ANXA13: variants seen among roughly 807,000 people sequenced by gnomAD.
ANXA13 encodes the protein annexin XIII.
ANXA13 carries 36 observed loss-of-function variants against 46.6 expected under a neutral mutation model. The observed-to-expected ratio is 0.77, with a 90% CI of 0.59 to 1.02. The LOEUF is 1.02. Among genes scored for constraint, ANXA13 ranks in the 50% least tolerant of loss-of-function variants. The pLI is 0.00. For missense variants in ANXA13, 417 were observed against 396.5 expected, an observed-to-expected ratio of 1.05 and a Z score of -0.44; for synonymous variants, 163 against 152.9, an observed-to-expected ratio of 1.07 and a Z score of -0.49.
chr8:123,723,747 T>A (rs1813931317), intron 1 of ANXA13, among the ~76,000 whole-genome samples: 1 of 152,206 alleles, frequency 6.6e-6, no homozygotes, highest in Non-Finnish European at 1.5e-5. Flanking sequence ...TTCTATCAGA[T>A]CTTTTAACAG....
At chr8:123,721,894 T>A (rs1383377342) in intron 1 of ANXA13, among the ~76,000 whole-genome samples, 1 of 152,214 alleles carries the variant, frequency 6.6e-6, no homozygotes, top group East Asian at 1.9e-4. Context: ...CACACAAGTA[T>A]GATGAGATAG....
At chr8:123,682,104 A>G (rs1251503943) in intron 10 of ANXA13, among the ~76,000 whole-genome samples, 1 of 152,208 alleles carries the variant, frequency 6.6e-6, no homozygotes, top group Non-Finnish European at 1.5e-5. Context: ...AACTAAGAAA[A>G]TTGTCAACAC....
chr8:123,727,043 G>A (rs889216498), intron 1 of ANXA13, among the ~76,000 whole-genome samples: 4 of 152,096 alleles, frequency 2.6e-5, no homozygotes, highest in African/African-American at 7.2e-5. Flanking sequence ...TGGATTTTTG[G>A]GACTTGGGGG....
intron 1 of ANXA13, among the ~76,000 whole-genome samples, chr8:123,715,635 G>T (rs1813746250): frequency 6.6e-6 from 1 of 152,214 alleles, no homozygotes; most frequent in Non-Finnish European, 1.5e-5. Flanking sequence ...AGGGGCTGGG[G>T]CAGAACTGAG....
chr8:123,735,956 A>G, intron 1 of ANXA13: 2 of 1,468,724 alleles, frequency 1.4e-6, no homozygotes, highest in South Asian at 1.5e-5. Flanking sequence ...CTTTCAAAAG[A>G]CAAAATTATC....
At chr8:123,732,674 T>G (rs1212228730) in intron 1 of ANXA13, among the ~76,000 whole-genome samples, 10 of 150,566 alleles carry the variant, frequency 6.6e-5, no homozygotes, top group Non-Finnish European at 1.0e-4. Context: ...GCTGGTTTGT[T>G]TTTTTTTTTT....
In ANXA13 at chr8:123,683,090, C is replaced by T. The variant is rs539122110; in HGVS notation, c.831+1520G>A. Among the ~76,000 whole-genome samples the T allele has an allele frequency of 5.2e-4, 79 of 151,886 alleles. 1 individual carries two copies. The highest frequency in any genetic ancestry group is 2.0e-3 in the Admixed American group (30 of 15,264). ...GTCGAGTTGCTAACAGACAGAGGGA[C>T]GGACAAGGCAGAAGACCTGGAGAGA... On this transcript the variant is annotated intron_variant, in intron 10 of 10. Transcript: ENST00000419625.
chr8:123,720,790 C>T (rs1334277009), intron 1 of ANXA13, among the ~76,000 whole-genome samples: 3 of 151,566 alleles, frequency 2.0e-5, no homozygotes, highest in African/African-American at 7.3e-5. Flanking sequence ...ACTATGTTGC[C>T]CAGGCTGGTC....
At chr8:123,718,058 G>A (rs550475393) in intron 1 of ANXA13, among the ~76,000 whole-genome samples, 1 of 152,238 alleles carries the variant, frequency 6.6e-6, no homozygotes, top group Admixed American at 6.5e-5. Context: ...CCAGCTGCCC[G>A]CCACCCCACC....
At chr8:123,726,585 T>G (rs997335955) in intron 1 of ANXA13, among the ~76,000 whole-genome samples, 1 of 152,232 alleles carries the variant, frequency 6.6e-6, no homozygotes, top group Non-Finnish European at 1.5e-5. Context: ...AGGGGAGCAC[T>G]GCTCATCTAG....
At chr8:123,705,309 G>T (rs189149974) in intron 2 of ANXA13, among the ~76,000 whole-genome samples, 15 of 152,282 alleles carry the variant, frequency 9.9e-5, no homozygotes, top group African/African-American at 3.4e-4. Context: ...GCTCGCATGT[G>T]TTCACTTCAC....
At chr8:123,707,918 G>C (rs1813571178) in intron 2 of ANXA13, among the ~76,000 whole-genome samples, 1 of 152,142 alleles carries the variant, frequency 6.6e-6, no homozygotes, top group Admixed American at 6.5e-5. Flanking sequence ...CGAGAAACCA[G>C]ATTGCAAAAC....
chr8:123,714,484 C>G (rs975570295), intron 1 of ANXA13, among the ~76,000 whole-genome samples: 1 of 152,184 alleles, frequency 6.6e-6, no homozygotes, highest in Non-Finnish European at 1.5e-5. Flanking sequence ...TCACATTGTA[C>G]AAATCCTCAG....
intron 6 of ANXA13, among the ~76,000 whole-genome samples, chr8:123,694,980 C>T (rs1348916834): frequency 6.6e-6 from 1 of 151,956 alleles, no homozygotes; most frequent in Non-Finnish European, 1.5e-5. Flanking sequence ...ATGTGTCTGT[C>T]TAGAGGTCTC....
intron 8 of ANXA13, among the ~76,000 whole-genome samples, chr8:123,692,097 A>G (rs1813254347): frequency 6.6e-6 from 1 of 152,218 alleles, no homozygotes; most frequent in African/African-American, 2.4e-5. Flanking sequence ...ATAAAATTCC[A>G]AAGCTTTATT....
chr8:123,682,074 T>C (rs1417757701), intron 10 of ANXA13, among the ~76,000 whole-genome samples: 1 of 152,228 alleles, frequency 6.6e-6, no homozygotes, highest in Non-Finnish European at 1.5e-5. Context: ...CAGGCTGTAG[T>C]TGGTTGACCC....
At chr8:123,735,186 C>G (rs1454657300) in intron 1 of ANXA13, among the ~76,000 whole-genome samples, 1 of 150,704 alleles carries the variant, frequency 6.6e-6, no homozygotes, top group African/African-American at 2.4e-5. Flanking sequence ...GCTATTGAAT[C>G]TCAACAAAAT....
chr8:123,681,619 C>CTTTTTTTTTTTTTTTTTTTTTTTTTT (rs5894670), intron 10 of ANXA13, among the ~76,000 whole-genome samples: 2 of 107,040 alleles, frequency 1.9e-5, no homozygotes, highest in Non-Finnish European at 3.7e-5. Flanking sequence ...TCTTGAATTT[C>CTTTTTTTTTTTTTTTTTTTTTTTTTT]TTTTTTTTTT....
intron 1 of ANXA13, among the ~76,000 whole-genome samples, chr8:123,735,012 G>T (rs1186911904): frequency 6.8e-6 from 1 of 147,726 alleles, no homozygotes; most frequent in African/African-American, 2.5e-5. Flanking sequence ...GTTCAATAGA[G>T]AAATATGATA....
Sources: allele counts gnomAD v4.1 joint callset (sites outside exome capture counted in the v4.1 genomes callset), GRCh38; gene constraint gnomAD v4.1.1; transcripts MANE v1.5; gene names NCBI Gene and HGNC (gene_info 2026-07-23, HGNC 2026-07-21).